The following ITGB1BP1 variants were observed in gnomAD, a reference collection of about 807,000 sequenced individuals.
ITGB1BP1 encodes integrin beta-1-binding protein 1.
A neutral mutation model predicts 28.0 loss-of-function variants in ITGB1BP1; 20 were observed. The ratio of observed to expected loss-of-function variants is 0.71; its 90% CI spans 0.50 to 1.04. The LOEUF (loss-of-function observed/expected upper bound fraction) is 1.04, where lower values mean the gene tolerates loss of function less well. Among genes scored for constraint, ITGB1BP1 ranks in the 50% least tolerant of loss-of-function variants. The pLI is 0.00. For synonymous variants in ITGB1BP1, 103 were observed against 89.5 expected (o/e 1.15, Z -0.85); for missense variants, 228 against 242.5 (o/e 0.94, Z 0.40).
At chr2:9,418,580 A>G in intron 2 of ITGB1BP1, 46 bp downstream of exon 2, 1 of 1,324,864 alleles carries the variant, frequency 7.5e-7, no homozygotes, top group Non-Finnish European at 1.1e-6. Flanking sequence ...AGAAGAAACA[A>G]AACTCTCCCT....
chr2:9,408,373 C>T (rs1443726640), intron 4 of ITGB1BP1, 168 bp from the exon 5 acceptor site: 5 of 580,958 alleles, frequency 8.6e-6, no homozygotes, highest in Non-Finnish European at 1.5e-5. Flanking sequence ...AGAAACATTT[C>T]CCCCCATTTA....
rs376533619 is a variant in ITGB1BP1, at chr2:9,408,177, G to A, written c.317C>T (p.Pro106Leu). Residue 106 changes from proline to leucine, a missense_variant, in exon 5 of 7, where the codon CCG becomes CTG. By Grantham distance (98) the Pro-to-Leu change is moderately conservative (BLOSUM62 -3). Coordinates refer to ENST00000355346, the MANE Select transcript of ITGB1BP1 (RefSeq NM_004763.5). ...AACTCCCATAATAAATTCTTCCTCC[G>A]GAGGAACAAAAGGCAACTTTCCATC... ...QQDGKLPFVP[P>L]EEEFIMGVSK... is the part of the protein sequence containing the mutation. 150 of 1,601,898 alleles carry A rather than the reference G, an allele frequency of 9.4e-5. 1 individual carries two copies. Among genetic ancestry groups the A allele is most frequent in the South Asian group, 2.9e-4 (26 of 90,690 alleles).
At chr2:9,407,002 C>A (rs957523083) in intron 6 of ITGB1BP1, 97 bp from the exon 7 acceptor site, 3 of 885,376 alleles carry the variant, frequency 3.4e-6, no homozygotes, top group African/African-American at 3.3e-5. Context: ...CTCTTAAGAC[C>A]TCTCCTAAGC....
intron 1 of ITGB1BP1, chr2:9,422,687 C>G: frequency 1.0e-6 from 1 of 985,576 alleles, no homozygotes; most frequent in Non-Finnish European, 1.2e-6. Flanking sequence ...TTACTGAAGC[C>G]GAGAACTTTC....
chr2:9,403,505 T>C lies in ITGB1BP1; in HGVS notation c.*3329A>G. ...ACATATCAGTAATTGTTTTTATAATTTGTGGTTTTCATGAAACATTGCTAT... is the reference window on the plus strand; with the variant it reads ...ACATATCAGTAATTGTTTTTATAATCTGTGGTTTTCATGAAACATTGCTAT... On this transcript the variant is annotated 3_prime_UTR_variant, in exon 7 of 7. Transcript: ENST00000355346. 1.7e-6 allele frequency: 1 copy of C among 578,594 alleles called. No individual in the cohort carries two copies. The highest frequency in any genetic ancestry group is 3.0e-6 in the Non-Finnish European group (1 of 336,182). 35.8% of individuals were successfully genotyped at this position (578,594 alleles called of 1,614,324 possible).
chr2:9,406,646 C>A lies in ITGB1BP1; in HGVS notation c.*188G>T. ...TTTTAGCCCAGAAAATAGATGACTT[C>A]ATTGAGAGTTAACTCACTGTGTAAT... On this transcript the variant is annotated 3_prime_UTR_variant, in exon 7 of 7. Coordinates refer to ENST00000355346, the MANE Select transcript of ITGB1BP1 (RefSeq NM_004763.5). 1.7e-6 allele frequency: 1 copy of A among 585,408 alleles called. No homozygotes were observed. Among genetic ancestry groups the A allele is most frequent in the Non-Finnish European group, 3.1e-6 (1 of 326,708 alleles). 36.3% of individuals were successfully genotyped at this position (585,408 alleles called of 1,614,324 possible).
At chr2:9,417,110 C>A (rs1434175347) in intron 2 of ITGB1BP1, among the ~76,000 whole-genome samples, 3 of 151,128 alleles carry the variant, frequency 2.0e-5, no homozygotes, top group Non-Finnish European at 4.4e-5. Context: ...GCCAAAGTGA[C>A]CCCCAACAAA....
chr2:9,415,356 G>A lies in ITGB1BP1; in HGVS notation c.73-1100C>T, dbSNP rs1486240285. On this transcript the variant is annotated intron_variant, in intron 2 of 6. Coordinates refer to ENST00000355346, the MANE Select transcript of ITGB1BP1 (RefSeq NM_004763.5). The surrounding 1 kb of genome is among the most constrained non-coding windows in gnomAD (Gnocchi z 4.1). ...ATCACGCCACTGCACTCCAGCCTGGGCAACAAGAGTGAAACTCCATCTCAA... is the reference window on the plus strand; with the variant it reads ...ATCACGCCACTGCACTCCAGCCTGGACAACAAGAGTGAAACTCCATCTCAA... Among the ~76,000 whole-genome samples, 1 of 152,070 alleles carries A rather than the reference G, an allele frequency of 6.6e-6. No homozygotes were observed. Among genetic ancestry groups the A allele is most frequent in the South Asian group, 2.1e-4 (1 of 4,828 alleles).
intron 2 of ITGB1BP1, 141 bp from the exon 3 acceptor site, chr2:9,414,397 G>A (rs1678862965): frequency 3.4e-6 from 2 of 580,322 alleles, no homozygotes; most frequent in South Asian, 2.5e-5. Context: ...TATCGACTGT[G>A]CAGATTTTTC....
chr2:9,423,230 C>T (rs1234918124), intron 1 of ITGB1BP1, 143 bp downstream of exon 1: 15 of 1,128,520 alleles, frequency 1.3e-5, no homozygotes, highest in Admixed American at 9.6e-5. Flanking sequence ...CCGCCCGGAA[C>T]CAAGCCCGAG....
intron 4 of ITGB1BP1, among the ~76,000 whole-genome samples, chr2:9,410,805 G>C (rs1202484092): frequency 1.3e-5 from 2 of 152,092 alleles, no homozygotes; most frequent in Non-Finnish European, 2.9e-5. Context: ...TTGAACTCCT[G>C]GGTTCAGGTG....
chr2:9,423,411 G>A lies in ITGB1BP1; in HGVS notation c.-74C>T. 8.8e-7 allele frequency: 1 copy of A among 1,142,588 alleles called. No individual in the cohort carries two copies. Among genetic ancestry groups the A allele is most frequent in the Non-Finnish European group, 1.1e-6 (1 of 921,274 alleles). The allele number at this position is 1,142,588 out of a possible 1,614,324, so 70.8% of individuals were successfully genotyped here. On this transcript the variant is annotated 5_prime_UTR_variant, in exon 1 of 7. Transcript: ENST00000355346. Reference sequence around the variant, plus strand: ...GCCCATCCCCGGGTTGCGGACTTCGGGGTCCGCGTGGGAGTGCCGCGGCCT... The same window carrying A: ...GCCCATCCCCGGGTTGCGGACTTCGAGGTCCGCGTGGGAGTGCCGCGGCCT...
Position 9,415,406 on chromosome 2 carries a change from C to A in ITGB1BP1, c.73-1150G>T, listed in dbSNP as rs375551188. On this transcript the variant is annotated intron_variant, in intron 2 of 6. Coordinates refer to ENST00000355346, the MANE Select transcript of ITGB1BP1 (RefSeq NM_004763.5). This position sits in a 1 kb window ranked among gnomAD's most constrained non-coding sequence, Gnocchi z 4.1. Reference sequence around the variant, plus strand: ...AAACAAACAAACAAAAACACACACACAAAAAAAAACACAACAATACAAAAA... The same window carrying A: ...AAACAAACAAACAAAAACACACACAAAAAAAAAAACACAACAATACAAAAA... 9.1e-4 allele frequency among the ~76,000 whole-genome samples: 136 copies of A among 149,322 alleles called. No homozygotes were observed. The highest frequency in any genetic ancestry group is 1.9e-3 in the African/African-American group (76 of 40,652).
chr2:9,411,813 C>T (rs528943144), intron 4 of ITGB1BP1, among the ~76,000 whole-genome samples: 27 of 151,914 alleles, frequency 1.8e-4, no homozygotes, highest in Non-Finnish European at 3.4e-4. Flanking sequence ...GAGGCCAAGG[C>T]GGGAAGATCA....
At chr2:9,418,773 C>G in intron 1 of ITGB1BP1, 41 bp from the exon 2 acceptor site, 1 of 1,236,988 alleles carries the variant, frequency 8.1e-7, no homozygotes, top group Non-Finnish European at 1.2e-6. Flanking sequence ...TCGGGAAAAG[C>G]AACTTTTTTT....
At chr2:9,422,013 A>T (rs1269476452) in intron 1 of ITGB1BP1, among the ~76,000 whole-genome samples, 3 of 152,020 alleles carry the variant, frequency 2.0e-5, no homozygotes, top group Non-Finnish European at 4.4e-5. Flanking sequence ...CACAGACACT[A>T]TTTTTTTAGA....
chr2:9,406,851 T>TTAA lies in ITGB1BP1; in HGVS notation c.583_585dup (p.Leu195dup), dbSNP rs1289931712. Reference sequence around the variant, plus strand: ...TGCAGGATTCAGGGTTTCTCAGATGTTAATACAGAGTCAAAAGCGGTGGAT... The same window carrying TTAA: ...TGCAGGATTCAGGGTTTCTCAGATGTTAATAATACAGAGTCAAAAGCGGTGGAT... On this transcript the variant is annotated inframe_insertion, in exon 7 of 7. Coordinates refer to ENST00000355346, the MANE Select transcript of ITGB1BP1 (RefSeq NM_004763.5). The TTAA allele has an allele frequency of 6.2e-7, 1 of 1,612,658 alleles. No homozygotes were observed. The highest frequency in any genetic ancestry group is 8.5e-7 in the Non-Finnish European group (1 of 1,178,626).
rs746211130 is a variant in ITGB1BP1 at position 9,407,562 on chromosome 2, G to A, written c.418C>T (p.Arg140Trp). Residue 140 changes from arginine (R) to tryptophan (W), a missense_variant, in exon 6 of 7, where the codon CGG (arginine) becomes TGG (tryptophan). Around this residue, in one of 2 missense-constraint regions of ITGB1BP1, gnomAD observed 192 missense variants for 181.6 expected, o/e 1.06. Transcript: ENST00000355346. ...LHRHALYLII[R>W]MVCYDDGLGA... ...AGACCGTCATCGTAACACACCATCCGGATTATTAAGTAGAGAGCATGCCTG... is the reference window on the plus strand; with the variant it reads ...AGACCGTCATCGTAACACACCATCCAGATTATTAAGTAGAGAGCATGCCTG... 81 of 1,613,946 alleles carry A rather than the reference G, an allele frequency of 5.0e-5. No homozygotes were observed. Among genetic ancestry groups the A allele is most frequent in the Middle Eastern group, 3.3e-4 (2 of 6,084 alleles).
At chr2:9,413,923 A>T (rs1678787088) in intron 3 of ITGB1BP1, among the ~76,000 whole-genome samples, 1 of 152,096 alleles carries the variant, frequency 6.6e-6, no homozygotes. Context: ...CCCATTTCTT[A>T]AAAAACTATT....
Sources: allele counts gnomAD v4.1 joint callset (sites outside exome capture counted in the v4.1 genomes callset), GRCh38; gene constraint gnomAD v4.1.1; regional missense constraint gnomAD v4.1.1; non-coding constraint Gnocchi (gnomAD v3.1); transcripts MANE v1.5; gene names NCBI Gene and HGNC (gene_info 2026-07-23, HGNC 2026-07-21).